Variants in EDARADD observed in about 807,000 individuals in gnomAD.
EDARADD encodes the protein EDAR associated via death domain, also known as ectodysplasin-A receptor-associated adapter protein.
A neutral mutation model predicts 25.6 loss-of-function variants in EDARADD; 20 were observed. The ratio of observed to expected loss-of-function variants is 0.78; its 90% CI spans 0.55 to 1.14. The LOEUF (loss-of-function observed/expected upper bound fraction) is 1.14. Ranked by LOEUF, EDARADD falls within the 50% of genes most tolerant of loss-of-function variation. The pLI, the probability that EDARADD is intolerant of heterozygous loss-of-function variation, is 0.00. For missense variants in EDARADD, 225 were observed against 270.1 expected (o/e 0.83, Z 1.17); for synonymous variants, 86 against 94.4 (o/e 0.91, Z 0.52).
intron 4 of EDARADD, among the ~76,000 whole-genome samples, chr1:236,453,053 G>A (rs1479635929): frequency 1.3e-5 from 2 of 152,156 alleles, no homozygotes. Context: ...CCTGATGTCT[G>A]TATTTGTAGA....
intron 3 of EDARADD, among the ~76,000 whole-genome samples, chr1:236,372,913 C>T (rs1401333248): frequency 3.5e-5 from 2 of 56,896 alleles, no homozygotes; most frequent in South Asian, 1.2e-3. Flanking sequence ...TCTCTTCTTA[C>T]ATTTTTTTTT....
At chr1:236,465,081 G>A (rs539162961) in intron 4 of EDARADD, among the ~76,000 whole-genome samples, 4 of 152,068 alleles carry the variant, frequency 2.6e-5, no homozygotes, top group Admixed American at 6.6e-5. Context: ...CCCAGTGATC[G>A]CATCTCTACA....
At chr1:236,424,411 T>C (rs927808800) in intron 3 of EDARADD, among the ~76,000 whole-genome samples, 3 of 151,972 alleles carry the variant, frequency 2.0e-5, no homozygotes, top group African/African-American at 7.2e-5. Flanking sequence ...AACCCTCCCA[T>C]CTTGGCCTCC....
At chr1:236,463,381 C>T (rs993144264) in intron 4 of EDARADD, among the ~76,000 whole-genome samples, 2 of 152,114 alleles carry the variant, frequency 1.3e-5, no homozygotes, top group Non-Finnish European at 2.9e-5. Flanking sequence ...GCAACCTCCG[C>T]CTCCTAGGTC....
chr1:236,484,552 C>A lies in EDARADD; in HGVS notation c.*1903C>A. 1 of 1,153,134 alleles carries A rather than the reference C, an allele frequency of 8.7e-7. No homozygotes were observed. The highest frequency in any genetic ancestry group is 1.3e-6 in the Non-Finnish European group (1 of 788,732). 71.4% of individuals were successfully genotyped at this position (1,153,134 alleles called of 1,614,324 possible). A position where few individuals can be genotyped will look rare whatever the true frequency, so the allele number is the denominator to read the frequency against. On this transcript the variant is annotated 3_prime_UTR_variant, in exon 6 of 6. Coordinates refer to ENST00000334232, the MANE Select transcript of EDARADD (RefSeq NM_145861.4). This position sits in a 1 kb window ranked among gnomAD's most constrained non-coding sequence, Gnocchi z 4.1. The stretch of plus-strand genomic sequence containing the variant: ...GTCAACTCCGGCAGCTCAAGACCCC[C>A]GAGCAACATTTGTAGGGGCCGCTGC...
At chr1:236,377,366 G>C (rs1667235860) in intron 3 of EDARADD, among the ~76,000 whole-genome samples, 1 of 149,674 alleles carries the variant, frequency 6.7e-6, no homozygotes, top group African/African-American at 2.4e-5. Context: ...ATGTCGGCCA[G>C]GCTGGTCTCA....
At position 236,388,990 on chromosome 1, in the gene EDARADD, C is replaced by T. The variant is rs1165265491; in HGVS notation, c.-5-20226C>T. 2.4e-5 allele frequency among the ~76,000 whole-genome samples: 2 copies of T among 81,690 alleles called. 1 individual carries two copies. Among genetic ancestry groups the T allele is most frequent in the Non-Finnish European group, 5.1e-5 (2 of 39,306 alleles). 53.6% of individuals were successfully genotyped at this position (81,690 alleles called of 152,430 possible). On this transcript the variant is annotated intron_variant, in intron 3 of 7. Coordinates refer to the EDARADD transcript ENST00000439430. ...TGTCCTTTTCTTGCAACAGCAATAA[C>T]CAAAGCAAACATCCCTCAAAAAACT...
chr1:236,423,620 A>G (rs868846607), intron 3 of EDARADD, among the ~76,000 whole-genome samples: 2 of 152,220 alleles, frequency 1.3e-5, no homozygotes, highest in African/African-American at 4.8e-5. Context: ...TTGTAAAGAT[A>G]TATCATGTCC....
chr1:236,435,288 A>G (rs1658216640), intron 4 of EDARADD, among the ~76,000 whole-genome samples: 1 of 152,244 alleles, frequency 6.6e-6, no homozygotes, highest in South Asian at 2.1e-4. Flanking sequence ...TGCTCAAGGC[A>G]ACGATTCTTT....
rs564940506 is a variant in EDARADD, at chr1:236,407,741, T to A, written c.62-1475T>A. The stretch of plus-strand genomic sequence containing the variant: ...CACGCAAAAAGATTTGATTATTTAC[T>A]GAGACAGCTCTCTGGCAGATGTCTT... On this transcript the variant is annotated intron_variant, in intron 1 of 5. Coordinates refer to ENST00000334232, the MANE Select transcript of EDARADD (RefSeq NM_145861.4). 1.0e-3 allele frequency among the ~76,000 whole-genome samples: 153 copies of A among 152,340 alleles called. 1 individual carries two copies. The Middle Eastern group carries it at 0.01, about 10-fold the overall frequency.
At chr1:236,481,778 CAAAA>C (rs36104533) in intron 5 of EDARADD, among the ~76,000 whole-genome samples, 10 of 93,274 alleles carry the variant, frequency 1.1e-4, no homozygotes, top group East Asian at 3.7e-4. Flanking sequence ...CACCCTGTAT[CAAAA>C]AAAAAAAAAA....
chr1:236,428,623 CG>C (rs1657995125), intron 4 of EDARADD, among the ~76,000 whole-genome samples: 1 of 150,454 alleles, frequency 6.6e-6, no homozygotes, highest in South Asian at 2.1e-4. Flanking sequence ...CATGGGCGGC[CG>C]GGCGGAGACG....
At position 236,425,578 on chromosome 1, in the gene EDARADD, G is replaced by A. The variant is rs190533177; in HGVS notation, c.161-1814G>A. Among the ~76,000 whole-genome samples the A allele has an allele frequency of 2.2e-4, 34 of 152,320 alleles. No individual in the cohort carries two copies. In the East Asian group the frequency reaches 5.8e-3, roughly 26 times the overall value. On this transcript the variant is annotated intron_variant, in intron 3 of 5. Transcript: ENST00000334232. Reference sequence around the variant, plus strand: ...GCCAGTGATGGTCACCAAGCTAGTTGTATTGCTAAGAGAGCTTGCACCTGT... The same window carrying A: ...GCCAGTGATGGTCACCAAGCTAGTTATATTGCTAAGAGAGCTTGCACCTGT...
Position 236,454,933 on chromosome 1 carries a change from C to T in EDARADD, c.220-13298C>T, listed in dbSNP as rs529529751. ...CTTTCCTTAAATTGGATGGAAAGGC[C>T]GTGTGTGGTGGCTCACGCCTGTAAT... is the stretch of plus-strand genomic sequence containing the variant. On this transcript the variant is annotated intron_variant, in intron 4 of 5. Coordinates refer to ENST00000334232, the MANE Select transcript of EDARADD (RefSeq NM_145861.4). Among the ~76,000 whole-genome samples the T allele has an allele frequency of 1.3e-4, 20 of 152,228 alleles. No individual in the cohort carries two copies. The South Asian group carries it at 1.9e-3, about 14-fold the overall frequency.
upstream of EDARADD, among the ~76,000 whole-genome samples, chr1:236,393,391 C>CTTTTTTTTTTT (rs761525038): frequency 8.0e-3 from 700 of 87,162 alleles, 5 homozygotes; most frequent in Non-Finnish European, 0.01. Flanking sequence ...TTCTTTCTTT[C>CTTTTTTTTTTT]TTTTTTTTTT....
At chr1:236,408,333 G>A (rs989777128) in intron 1 of EDARADD, among the ~76,000 whole-genome samples, 2 of 152,084 alleles carry the variant, frequency 1.3e-5, no homozygotes, top group African/African-American at 4.8e-5. Flanking sequence ...CTCCTGAGTA[G>A]CTGGGACTAC....
intron 3 of EDARADD, among the ~76,000 whole-genome samples, chr1:236,378,770 AC>A (rs1667256495): frequency 6.6e-6 from 1 of 152,132 alleles, no homozygotes. Flanking sequence ...TTTTAGATAC[AC>A]TTTTTCCTTA....
At chr1:236,451,440 G>A (rs1357340764) in intron 4 of EDARADD, among the ~76,000 whole-genome samples, 1 of 149,180 alleles carries the variant, frequency 6.7e-6, no homozygotes, top group African/African-American at 2.5e-5. Flanking sequence ...TTTTTTCTTT[G>A]GAAACAGAGT....
intron 4 of EDARADD, among the ~76,000 whole-genome samples, chr1:236,446,609 C>T (rs1658544164): frequency 1.3e-5 from 2 of 151,862 alleles, no homozygotes; most frequent in South Asian, 4.2e-4. Flanking sequence ...AGCATTTCTA[C>T]CAATGAAATG....
Sources: allele counts gnomAD v4.1 joint callset (sites outside exome capture counted in the v4.1 genomes callset), GRCh38; gene constraint gnomAD v4.1.1; non-coding constraint Gnocchi (gnomAD v3.1); transcripts MANE v1.5; gene names NCBI Gene and HGNC (gene_info 2026-07-23, HGNC 2026-07-21).